PTPRU: variants seen among roughly 807,000 people sequenced by gnomAD.
PTPRU encodes the protein protein tyrosine phosphatase receptor type U, also known as receptor-type tyrosine-protein phosphatase U.
A neutral mutation model predicts 166.3 loss-of-function variants in PTPRU; 69 were observed. That is an observed-to-expected ratio of 0.41 (90% CI 0.34 to 0.51). The LOEUF (loss-of-function observed/expected upper bound fraction) is 0.51. Ranked by LOEUF, PTPRU falls within the 20% of genes least tolerant of loss-of-function variation. The probability of loss-of-function intolerance (pLI) is 0.09; values close to 1 mark genes in which losing one functional copy is unlikely to be tolerated. For missense variants in PTPRU, 1,657 were observed against 2,013.7 expected, an observed-to-expected ratio of 0.82 and a Z score of 3.39; for synonymous variants, 793 against 814.0, an observed-to-expected ratio of 0.97 and a Z score of 0.44.
At chr1:29,276,310 C>T (rs375664876) in intron 8 of PTPRU, among the ~76,000 whole-genome samples, 17 of 152,160 alleles carry the variant, frequency 1.1e-4, no homozygotes, top group South Asian at 6.2e-4. Flanking sequence ...TGCACCACCA[C>T]GCCAAGCTAG....
At chr1:29,299,391 T>C (rs1426667198) in intron 15 of PTPRU, among the ~76,000 whole-genome samples, 2 of 152,148 alleles carry the variant, frequency 1.3e-5, no homozygotes, top group African/African-American at 4.8e-5. Flanking sequence ...GAAGTGTGTC[T>C]CAAGTCCCAC....
intron 7 of PTPRU, among the ~76,000 whole-genome samples, chr1:29,265,045 A>G (rs1369246115): frequency 6.6e-6 from 1 of 152,208 alleles, no homozygotes; most frequent in Non-Finnish European, 1.5e-5. Flanking sequence ...TCATTATTAC[A>G]AGTAAAGCTT....
At chr1:29,277,250 G>A (rs1009019113) in intron 8 of PTPRU, among the ~76,000 whole-genome samples, 19 of 152,008 alleles carry the variant, frequency 1.2e-4, no homozygotes, top group African/African-American at 4.1e-4. Flanking sequence ...TCAGGTGCCC[G>A]CCACCACGCC....
At chr1:29,313,988 C>T (rs762038301) in intron 22 of PTPRU, among the ~76,000 whole-genome samples, 6 of 152,164 alleles carry the variant, frequency 3.9e-5, no homozygotes, top group East Asian at 1.9e-4. Context: ...ACTTCTAAAG[C>T]GCAGTTAGTT....
rs547406320 is a variant in PTPRU, at chr1:29,312,568, G to T, written c.3089G>T (p.Arg1030Leu). The T allele has an allele frequency of 3.1e-6, 5 of 1,592,016 alleles. No individual in the cohort carries two copies. The highest frequency in any genetic ancestry group is 4.3e-6 in the Non-Finnish European group (5 of 1,162,726). The stretch of plus-strand genomic sequence containing the variant: ...TCTCCCCAGAGAGGCTACTCTGCCC[G>T]GCACGAGGTCCGCCAGTTCCACTTC... The part of the protein sequence containing the change: ...FALERRGYSA[R>L]HEVRQFHFTA... The change falls in exon 22 of 30, where the codon CGG (arginine) becomes CTG (leucine). Residue 1030 changes from arginine (R) to leucine (L), a missense_variant. This residue lies in a region of PTPRU where 1,190 missense variants were observed against 1,477.4 expected (regional missense o/e 0.81). Coordinates refer to ENST00000373779, the MANE Select transcript of PTPRU (RefSeq NM_133178.4).
chr1:29,267,219 A>G (rs922900009), intron 7 of PTPRU, among the ~76,000 whole-genome samples: 2 of 152,206 alleles, frequency 1.3e-5, no homozygotes, highest in Non-Finnish European at 2.9e-5. Context: ...ACAGATCAAG[A>G]TCTTATCTAG....
chr1:29,272,493 A>G (rs141660807), intron 7 of PTPRU, among the ~76,000 whole-genome samples: 3 of 152,348 alleles, frequency 2.0e-5, no homozygotes, highest in East Asian at 1.9e-4. Flanking sequence ...TGTGCTGTAC[A>G]TGGGGCCAGT....
chr1:29,268,761 T>C (rs945876587), intron 7 of PTPRU, among the ~76,000 whole-genome samples: 34 of 152,158 alleles, frequency 2.2e-4, no homozygotes, highest in Admixed American at 1.0e-3. Flanking sequence ...AAAGGAATCA[T>C]AGCACAGGGT....
At chr1:29,272,008 C>G (rs1685576063) in intron 7 of PTPRU, among the ~76,000 whole-genome samples, 2 of 151,970 alleles carry the variant, frequency 1.3e-5, no homozygotes, top group Admixed American at 1.3e-4. Context: ...GGGCAGCCAC[C>G]TCGGCTCTTG....
intron 14 of PTPRU, chr1:29,289,750 G>C (rs749929853): frequency 6.2e-7 from 1 of 1,609,672 alleles, no homozygotes; most frequent in Non-Finnish European, 8.5e-7. Flanking sequence ...CCCCGGCCCT[G>C]CCTAGGGGGA....
chr1:29,277,991 G>T (rs1557440723), intron 8 of PTPRU, among the ~76,000 whole-genome samples: 1 of 151,234 alleles, frequency 6.6e-6, no homozygotes, highest in Non-Finnish European at 1.5e-5. Flanking sequence ...CTAATTTTTT[G>T]TATTTTTGGT....
rs1463242329 is a variant in PTPRU, at chr1:29,291,499, C to T, written c.2319-370C>T. 2.0e-5 allele frequency among the ~76,000 whole-genome samples: 3 copies of T among 152,016 alleles called. No individual in the cohort carries two copies. Among genetic ancestry groups the T allele is most frequent in the Non-Finnish European group, 4.4e-5 (3 of 67,974 alleles). On this transcript the variant is annotated intron_variant, in intron 14 of 29. Coordinates refer to ENST00000373779, the MANE Select transcript of PTPRU (RefSeq NM_133178.4). The surrounding 1 kb of genome is among the most constrained non-coding windows in gnomAD (Gnocchi z 4.1). ...CCAGCCATTTTCCTAGTTTGGGGTGCAGTGGGGGTGAGGGGGCTGTCTGCT... is the reference window on the plus strand; with the variant it reads ...CCAGCCATTTTCCTAGTTTGGGGTGTAGTGGGGGTGAGGGGGCTGTCTGCT...
rs1170811779 is a variant in PTPRU, at chr1:29,238,587, C to A, written c.73+1870C>A. The stretch of plus-strand genomic sequence containing the variant: ...AGCGTTCGCGCCGGCCACTGGCCAG[C>A]GCTTGGGCCTCGCCCTGCAGCTCCG... On this transcript the variant is annotated intron_variant, in intron 1 of 29. Coordinates refer to ENST00000373779, the MANE Select transcript of PTPRU (RefSeq NM_133178.4). This position sits in a 1 kb window ranked among gnomAD's most constrained non-coding sequence, Gnocchi z 6.1. Among the ~76,000 whole-genome samples the A allele has an allele frequency of 6.6e-6, 1 of 152,230 alleles. No individual in the cohort carries two copies. The highest frequency in any genetic ancestry group is 1.9e-4 in the East Asian group (1 of 5,188).
At chr1:29,256,826 TG>T (rs1684792470) in intron 2 of PTPRU, among the ~76,000 whole-genome samples, 1 of 152,162 alleles carries the variant, frequency 6.6e-6, no homozygotes, top group African/African-American at 2.4e-5. Context: ...CTTATAGTAC[TG>T]ACCACCCTGA....
rs1056475877 is a variant in PTPRU at position 29,317,604 on chromosome 1, G to T, written c.3514-144G>T. The T allele has an allele frequency of 3.2e-6, 3 of 950,528 alleles. No individual in the cohort carries two copies. The East Asian group carries it at 7.8e-5, about 25-fold the overall frequency. The allele number at this position is 950,528 out of a possible 1,614,324, so 58.9% of individuals were successfully genotyped here. A position where few individuals can be genotyped will look rare whatever the true frequency, so the allele number is the denominator to read the frequency against. The stretch of plus-strand genomic sequence containing the variant: ...GCCTAGAGACAGGGAGTCTGGCTCC[G>T]TGCCCTGTACCCTTCTCTCTGGACC... On this transcript the variant is annotated intron_variant, in intron 24 of 29. Coordinates refer to ENST00000373779, the MANE Select transcript of PTPRU (RefSeq NM_133178.4). The surrounding 1 kb of genome is among the most constrained non-coding windows in gnomAD (Gnocchi z 5.6).
chr1:29,261,530 GTTA>G (rs1558558959), intron 7 of PTPRU, among the ~76,000 whole-genome samples: 1 of 152,074 alleles, frequency 6.6e-6, no homozygotes, highest in Non-Finnish European at 1.5e-5. Flanking sequence ...TATTGTTGTT[GTTA>G]TTATTTTTCC....
intron 7 of PTPRU, among the ~76,000 whole-genome samples, chr1:29,269,222 ATAT>A (rs1557430682): frequency 0.012 from 482 of 39,218 alleles, 32 homozygotes; most frequent in South Asian, 0.037. Flanking sequence ...TTATATACAT[ATAT>A]ATATATATAT....
At chr1:29,283,805 G>T in intron 12 of PTPRU, 135 bp from the exon 13 acceptor site, 1 of 1,044,508 alleles carries the variant, frequency 9.6e-7, no homozygotes, top group Non-Finnish European at 1.4e-6. Context: ...CCTGCCTTCG[G>T]GTGGGGTGTC....
chr1:29,321,218 T>TC (rs1688144741), intron 26 of PTPRU, among the ~76,000 whole-genome samples: 2 of 148,888 alleles, frequency 1.3e-5, no homozygotes, highest in South Asian at 2.1e-4. Context: ...TTTTTTTTTT[T>TC]TCAGTAGAGA....
Sources: gnomAD v4.1 joint callset for allele counts (sites outside exome capture counted in the v4.1 genomes callset) on GRCh38, gnomAD v4.1.1 for gene constraint, gnomAD v4.1.1 regional missense constraint, Gnocchi (gnomAD v3.1) non-coding constraint, MANE v1.5 for transcripts, NCBI Gene and HGNC (gene_info 2026-07-23, HGNC 2026-07-21) for gene names.